The following C8orf34 variants were observed in gnomAD, a reference collection of about 807,000 sequenced individuals.
C8orf34 encodes the protein chromosome 8 open reading frame 34.
A neutral mutation model predicts 68.3 loss-of-function variants in C8orf34; 65 were observed. The observed-to-expected ratio is 0.95, with a 90% CI of 0.78 to 1.17. The LOEUF (loss-of-function observed/expected upper bound fraction) is 1.17, where lower values mean the gene tolerates loss of function less well. Among genes scored for constraint, C8orf34 ranks in the 50% most tolerant of loss-of-function variants. The probability of loss-of-function intolerance (pLI) is 0.00; values close to 1 mark genes in which losing one functional copy is unlikely to be tolerated. For synonymous variants in C8orf34, 244 were observed against 241.2 expected (o/e 1.01, Z -0.11); for missense variants, 664 against 655.4 (o/e 1.01, Z -0.14).
chr8:68,405,163 A>C (rs776374390), intron 1 of C8orf34, among the ~76,000 whole-genome samples: 2 of 151,898 alleles, frequency 1.3e-5, no homozygotes, highest in Non-Finnish European at 2.9e-5. Context: ...AGATGGTTTG[A>C]TGATCATTTG....
intron 4 of C8orf34, among the ~76,000 whole-genome samples, chr8:68,484,606 A>T (rs1032576069): frequency 1.3e-5 from 2 of 152,230 alleles, no homozygotes; most frequent in African/African-American, 4.8e-5. Flanking sequence ...TACCTTTTAA[A>T]AGTTAATAAA....
intron 7 of C8orf34, among the ~76,000 whole-genome samples, chr8:68,539,923 A>G (rs1453265635): frequency 6.9e-6 from 1 of 145,660 alleles, no homozygotes; most frequent in African/African-American, 2.7e-5. Flanking sequence ...AAAACTTGTC[A>G]ATTATTTTCA....
chr8:68,410,306 C>T (rs1809391499), intron 1 of C8orf34, among the ~76,000 whole-genome samples: 1 of 151,278 alleles, frequency 6.6e-6, no homozygotes, highest in Non-Finnish European at 1.5e-5. Flanking sequence ...CATCAGCAGA[C>T]CAAAAGTATT....
chr8:68,422,423 T>G (rs1810019704), intron 1 of C8orf34, among the ~76,000 whole-genome samples: 1 of 152,186 alleles, frequency 6.6e-6, no homozygotes, highest in African/African-American at 2.4e-5. Context: ...TCATTAAAAC[T>G]TAAAGTTCCA....
intron 10 of C8orf34, among the ~76,000 whole-genome samples, chr8:68,775,236 G>A (rs1041687436): frequency 6.6e-6 from 1 of 151,930 alleles, no homozygotes; most frequent in African/African-American, 2.4e-5. Context: ...TATATGTGTT[G>A]GTCATGGGAA....
chr8:68,711,125 C>T (rs1821318655), intron 9 of C8orf34, among the ~76,000 whole-genome samples: 1 of 152,134 alleles, frequency 6.6e-6, no homozygotes, highest in African/African-American at 2.4e-5. Context: ...GGGGAGAACA[C>T]AACATCAGGG....
intron 9 of C8orf34, among the ~76,000 whole-genome samples, chr8:68,711,732 A>G (rs1313984826): frequency 6.6e-6 from 1 of 152,220 alleles, no homozygotes; most frequent in Non-Finnish European, 1.5e-5. Context: ...CTGAGGAAGA[A>G]GAGAAATCTA....
At chr8:68,810,695 G>A (rs1277916252) in intron 12 of C8orf34, among the ~76,000 whole-genome samples, 1 of 152,134 alleles carries the variant, frequency 6.6e-6, no homozygotes, top group Non-Finnish European at 1.5e-5. Context: ...TGCCAGGATA[G>A]CTCTCCAGAG....
At chr8:68,599,669 G>T (rs1196328676) in intron 7 of C8orf34, among the ~76,000 whole-genome samples, 1 of 151,968 alleles carries the variant, frequency 6.6e-6, no homozygotes, top group African/African-American at 2.4e-5. Flanking sequence ...AGATATAAAT[G>T]CTAAAACTCT....
chr8:68,723,625 G>A (rs1448249684), intron 10 of C8orf34, among the ~76,000 whole-genome samples: 2 of 152,024 alleles, frequency 1.3e-5, no homozygotes, highest in African/African-American at 2.4e-5. Context: ...CCTTCAGGTT[G>A]TAATAATCTG....
chr8:68,790,184 C>T (rs952796287), intron 12 of C8orf34, among the ~76,000 whole-genome samples: 1 of 152,152 alleles, frequency 6.6e-6, no homozygotes, highest in Non-Finnish European at 1.5e-5. Flanking sequence ...CTGATACTTT[C>T]AGTCAACGCA....
rs1824895894 is a variant in C8orf34 at position 68,818,848 on chromosome 8, A to G, written c.*602A>G. 3.3e-5 allele frequency: 5 copies of G among 152,280 alleles called. No individual in the cohort carries two copies. In the South Asian group the frequency reaches 8.3e-4, roughly 25 times the overall value. 9.4% of individuals were successfully genotyped at this position (152,280 alleles called of 1,614,324 possible). On this transcript the variant is annotated 3_prime_UTR_variant, in exon 14 of 14. Coordinates refer to ENST00000518698, the MANE Select transcript of C8orf34 (RefSeq NM_052958.4). ...TATGTTAATTAAGTAAAGCAAATCAATAAGGAATGAAATGCATGGCCCAAA... is the reference window on the plus strand; with the variant it reads ...TATGTTAATTAAGTAAAGCAAATCAGTAAGGAATGAAATGCATGGCCCAAA...
chr8:68,486,230 T>A (rs1813072059), intron 4 of C8orf34, among the ~76,000 whole-genome samples: 1 of 152,178 alleles, frequency 6.6e-6, no homozygotes, highest in Non-Finnish European at 1.5e-5. Context: ...GATCTCTTAG[T>A]CTCACATCTT....
intron 9 of C8orf34, among the ~76,000 whole-genome samples, chr8:68,718,941 T>C (rs569751574): frequency 7.2e-4 from 109 of 152,264 alleles, no homozygotes; most frequent in Non-Finnish European, 1.5e-3. Flanking sequence ...ATTTGACAAA[T>C]TTAGGGACTC....
At chr8:68,783,688 A>T (rs1021363889) in intron 11 of C8orf34, among the ~76,000 whole-genome samples, 8 of 152,082 alleles carry the variant, frequency 5.3e-5, no homozygotes, top group Admixed American at 5.2e-4. Flanking sequence ...GGCGGAACCA[A>T]TGTACTTCTT....
intron 10 of C8orf34, among the ~76,000 whole-genome samples, chr8:68,757,804 C>T (rs569618309): frequency 6.6e-6 from 1 of 152,182 alleles, no homozygotes; most frequent in South Asian, 2.1e-4. Flanking sequence ...TCCAGAGACC[C>T]ATGGTCAAAT....
intron 5 of C8orf34, among the ~76,000 whole-genome samples, chr8:68,511,629 G>A (rs906691349): frequency 6.6e-6 from 1 of 152,122 alleles, no homozygotes; most frequent in Admixed American, 6.6e-5. Flanking sequence ...ATTTTAAAAT[G>A]GAGAACAGAA....
chr8:68,794,416 C>T (rs1824104682), intron 12 of C8orf34, among the ~76,000 whole-genome samples: 1 of 126 alleles, frequency 7.9e-3, no homozygotes, highest in South Asian at 0.12. Context: ...AGCAATCCTC[C>T]CCTCCCTGCC....
intron 8 of C8orf34, among the ~76,000 whole-genome samples, chr8:68,655,783 C>T (rs1005022382): frequency 2.0e-5 from 3 of 151,982 alleles, no homozygotes. Flanking sequence ...TGGGGGAAAC[C>T]CACAACAACA....
Sources: gnomAD v4.1 joint callset for allele counts (sites outside exome capture counted in the v4.1 genomes callset) on GRCh38, gnomAD v4.1.1 for gene constraint, MANE v1.5 for transcripts, NCBI Gene and HGNC (gene_info 2026-07-23, HGNC 2026-07-21) for gene names.